The following STAC variants were observed in gnomAD, a reference collection of about 807,000 sequenced individuals.
The protein encoded by STAC is SH3 and cysteine-rich domain-containing protein.
A neutral mutation model predicts 48.8 loss-of-function variants in STAC; 43 were observed. That is an observed-to-expected ratio of 0.88 (90% CI 0.69 to 1.14). STAC has a LOEUF of 1.14. Among genes scored for constraint, STAC ranks in the 50% most tolerant of loss-of-function variants. The pLI is 0.00. For missense variants in STAC, 497 were observed against 504.0 expected (o/e 0.99, Z 0.13); for synonymous variants, 193 against 179.5 (o/e 1.07, Z -0.60).
rs902262089 is a variant in STAC, at chr3:36,510,264, A to T, written c.920+4430A>T. Among the ~76,000 whole-genome samples, 42 of 152,350 alleles carry T rather than the reference A, an allele frequency of 2.8e-4. 1 individual carries two copies. The highest frequency in any genetic ancestry group is 9.1e-4 in the African/African-American group (38 of 41,586). On this transcript the variant is annotated intron_variant, in intron 8 of 10. Transcript: ENST00000273183. The stretch of plus-strand genomic sequence containing the variant: ...CAAAACTACAATGAGATACCATCTC[A>T]TGCCAGTTAGAATGGTGATCATTAA...
chr3:36,465,464 C>T (rs1451657307), intron 2 of STAC, among the ~76,000 whole-genome samples: 1 of 152,082 alleles, frequency 6.6e-6, no homozygotes, highest in Non-Finnish European at 1.5e-5. Context: ...TTTAGTTTAA[C>T]TAAGTCCCAT....
chr3:36,445,214 T>C (rs940326878), intron 2 of STAC, among the ~76,000 whole-genome samples: 4 of 152,288 alleles, frequency 2.6e-5, no homozygotes, highest in African/African-American at 9.6e-5. Context: ...ACATCTCAAG[T>C]ACAACAACAA....
At chr3:36,471,227 A>G (rs901974080) in intron 2 of STAC, among the ~76,000 whole-genome samples, 1 of 152,218 alleles carries the variant, frequency 6.6e-6, no homozygotes, top group Non-Finnish European at 1.5e-5. Context: ...TAAACCTATC[A>G]GTTCTCGTGA....
At chr3:36,478,933 A>G (rs1244159913) in intron 2 of STAC, among the ~76,000 whole-genome samples, 3 of 152,166 alleles carry the variant, frequency 2.0e-5, no homozygotes, top group Non-Finnish European at 2.9e-5. Context: ...CTGGCTATCA[A>G]TAAACTTTTA....
intron 1 of STAC, among the ~76,000 whole-genome samples, chr3:36,404,411 G>A (rs1359627378): frequency 1.3e-5 from 2 of 152,188 alleles, no homozygotes; most frequent in African/African-American, 4.8e-5. Context: ...AAGGGTAATT[G>A]TGAGAATTAA....
chr3:36,383,982 T>C (rs1304098368), intron 1 of STAC, among the ~76,000 whole-genome samples: 1 of 152,242 alleles, frequency 6.6e-6, no homozygotes, highest in Non-Finnish European at 1.5e-5. Context: ...TATAGTTTAA[T>C]GTAATTGTGG....
chr3:36,527,182 G>GA (rs2125730804), intron 8 of STAC, among the ~76,000 whole-genome samples: 1 of 151,972 alleles, frequency 6.6e-6, no homozygotes, highest in South Asian at 2.1e-4. Flanking sequence ...TTAGATTTTA[G>GA]AAAAAATACT....
intron 9 of STAC, 30 bp from the exon 10 acceptor site, chr3:36,528,818 T>G (rs754952678): frequency 6.2e-7 from 1 of 1,609,916 alleles, no homozygotes; most frequent in Non-Finnish European, 8.5e-7. Context: ...ATGCTACAAT[T>G]GTGGATGCAT....
intron 8 of STAC, among the ~76,000 whole-genome samples, chr3:36,522,148 G>A (rs1431497076): frequency 6.6e-6 from 1 of 152,088 alleles, no homozygotes; most frequent in Non-Finnish European, 1.5e-5. Context: ...AATTTATCAT[G>A]CATAATATAT....
chr3:36,393,982 G>A (rs962010963), intron 1 of STAC, among the ~76,000 whole-genome samples: 2 of 151,888 alleles, frequency 1.3e-5, no homozygotes, highest in Admixed American at 1.3e-4. Context: ...AGCTGGCGGT[G>A]GGGGAGAGAT....
intron 2 of STAC, among the ~76,000 whole-genome samples, chr3:36,445,480 G>A (rs969817162): frequency 1.3e-5 from 2 of 152,152 alleles, no homozygotes; most frequent in Non-Finnish European, 1.5e-5. Context: ...GAAGGGGAGA[G>A]AAAGAAAAGG....
chr3:36,543,857 A>T (rs1699384090), intron 10 of STAC, among the ~76,000 whole-genome samples: 1 of 152,154 alleles, frequency 6.6e-6, no homozygotes, highest in African/African-American at 2.4e-5. Context: ...ACATTACCAC[A>T]ATACAGCATT....
intron 2 of STAC, among the ~76,000 whole-genome samples, chr3:36,478,576 CCT>C (rs1196478425): frequency 6.6e-6 from 1 of 152,144 alleles, no homozygotes; most frequent in East Asian, 1.9e-4. Flanking sequence ...CTCACTGCAG[CCT>C]CTGTCTCCTG....
At chr3:36,477,170 G>A (rs919521736) in intron 2 of STAC, among the ~76,000 whole-genome samples, 1 of 151,840 alleles carries the variant, frequency 6.6e-6, no homozygotes, top group Non-Finnish European at 1.5e-5. Context: ...TAAATTATAG[G>A]ACTAATTTTA....
chr3:36,540,962 C>T (rs942063804), intron 10 of STAC, among the ~76,000 whole-genome samples: 9 of 152,176 alleles, frequency 5.9e-5, no homozygotes, highest in Admixed American at 5.2e-4. Context: ...GTCTATTTTA[C>T]TCCTATAATA....
chr3:36,407,122 T>C (rs1177034287), intron 1 of STAC, among the ~76,000 whole-genome samples: 1 of 152,210 alleles, frequency 6.6e-6, no homozygotes, highest in Non-Finnish European at 1.5e-5. Context: ...ACATACTATA[T>C]GTTCACTTAA....
At chr3:36,456,395 T>G (rs1696856316) in intron 2 of STAC, among the ~76,000 whole-genome samples, 1 of 152,048 alleles carries the variant, frequency 6.6e-6, no homozygotes, top group Admixed American at 6.6e-5. Flanking sequence ...TTTTAAAAAA[T>G]AGAAAAAAGA....
chr3:36,481,273 C>A (rs563309334), intron 2 of STAC, among the ~76,000 whole-genome samples: 1 of 152,268 alleles, frequency 6.6e-6, no homozygotes, highest in East Asian at 1.9e-4. Flanking sequence ...GCCTGCAGAG[C>A]CTCGCCAGTA....
chr3:36,497,786 G>A (rs914578290), intron 6 of STAC, among the ~76,000 whole-genome samples: 1 of 151,954 alleles, frequency 6.6e-6, no homozygotes, highest in Non-Finnish European at 1.5e-5. Flanking sequence ...AAGGAGGAAA[G>A]AAAGAAACAG....
Sources: gnomAD v4.1 joint callset for allele counts (sites outside exome capture counted in the v4.1 genomes callset) on GRCh38, gnomAD v4.1.1 for gene constraint, MANE v1.5 for transcripts, NCBI Gene and HGNC (gene_info 2026-07-23, HGNC 2026-07-21) for gene names.